NCKAP1: variants seen among roughly 807,000 people sequenced by gnomAD.
The protein encoded by NCKAP1 is NCK associated protein 1.
In NCKAP1, 21 loss-of-function variants were observed where a neutral mutation model predicts 151.2. That is an observed-to-expected ratio of 0.14 (90% CI 0.10 to 0.20). The LOEUF (loss-of-function observed/expected upper bound fraction) is 0.20, where lower values mean the gene tolerates loss of function less well. Ranked by LOEUF, NCKAP1 falls within the 10% of genes least tolerant of loss-of-function variation. NCKAP1 has a pLI of 1.00. For missense variants in NCKAP1, 933 were observed against 1,352.1 expected, an observed-to-expected ratio of 0.69 and a Z score of 4.86; for synonymous variants, 484 against 451.8, an observed-to-expected ratio of 1.07 and a Z score of -0.90.
Position 182,952,416 on chromosome 2 carries a change from C to T in NCKAP1, c.2590G>A (p.Ala864Thr), listed in dbSNP as rs776478750. The change falls in exon 23 of 31, where the codon GCT becomes ACT. Residue 864 changes from alanine to threonine, a missense_variant. Around this residue, in one of 2 missense-constraint regions of NCKAP1, gnomAD observed 326 missense variants for 557.1 expected, o/e 0.59. Coordinates refer to ENST00000361354, the MANE Select transcript of NCKAP1 (RefSeq NM_013436.5). ...SLMWHISSQV[A>T]ELKKLVVENV... is the part of the protein sequence containing the mutation. ...AAAGACTATATTACCTTAAGTTCAG[C>T]AACTTGTGATGAAATATGCCACATA... 25 of 1,603,042 alleles carry T rather than the reference C, an allele frequency of 1.6e-5. No individual in the cohort carries two copies. The South Asian group carries it at 2.8e-4, about 18-fold the overall frequency.
Position 182,957,440 on chromosome 2 carries a change from T to C in NCKAP1, c.2021+17A>G. 1.2e-6 allele frequency: 2 copies of C among 1,606,666 alleles called. No individual in the cohort carries two copies. The highest frequency in any genetic ancestry group is 1.7e-6 in the Non-Finnish European group (2 of 1,178,026). ...TTTTACCTGGAGCAAAAAGGTATAA[T>C]ATAAGTGGATACTTACTTGGTCACA... On this transcript the variant is annotated intron_variant, in intron 19 of 30. Transcript: ENST00000361354.
At chr2:182,984,000 C>T (rs1238473633) in intron 10 of NCKAP1, among the ~76,000 whole-genome samples, 1 of 150,338 alleles carries the variant, frequency 6.7e-6, no homozygotes. Flanking sequence ...CACTGCACTC[C>T]AGCCTGGGTG....
rs1042513522 is a variant in NCKAP1 at position 182,916,336 on chromosome 2, A to T, written c.*9366T>A. The T allele has an allele frequency of 9.2e-5, 14 of 152,130 alleles. No homozygotes were observed. The highest frequency in any genetic ancestry group is 7.2e-4 in the Admixed American group (11 of 15,266). 9.4% of individuals were successfully genotyped at this position (152,130 alleles called of 1,614,324 possible). A position where few individuals can be genotyped will look rare whatever the true frequency, so the allele number is the denominator to read the frequency against. ...AAGCTAAGGGCATCTGTACCAATGG[A>T]GGTCTGTAGCATCTGTCCAGCCACT... On this transcript the variant is annotated 3_prime_UTR_variant, in exon 31 of 31. Transcript: ENST00000361354.
chr2:182,982,081 A>AGACAC (rs1161849236), intron 12 of NCKAP1, among the ~76,000 whole-genome samples: 1 of 152,032 alleles, frequency 6.6e-6, no homozygotes, highest in African/African-American at 2.4e-5. Context: ...AACTAAAATA[A>AGACAC]GACACATTTT....
At chr2:182,997,893 CA>C (rs1218868460) in intron 6 of NCKAP1, among the ~76,000 whole-genome samples, 2 of 152,010 alleles carry the variant, frequency 1.3e-5, no homozygotes, top group African/African-American at 2.4e-5. Flanking sequence ...AACTACAGGC[CA>C]ATATCCCTGA....
intron 15 of NCKAP1, among the ~76,000 whole-genome samples, chr2:182,975,326 T>C (rs1164937022): frequency 6.6e-6 from 1 of 152,116 alleles, no homozygotes. Flanking sequence ...CACTAACTGG[T>C]AAGGTATTTA....
chr2:182,930,629 T>C, intron 27 of NCKAP1, 66 bp downstream of exon 27: 3 of 1,233,994 alleles, frequency 2.4e-6, no homozygotes, highest in Non-Finnish European at 2.4e-6. Context: ...TTAAATATCA[T>C]ACCTATACCT....
In NCKAP1 at chr2:182,925,707, C is replaced by T. The variant is rs1369153096; in HGVS notation, c.3382G>A (p.Ala1128Thr). The T allele has an allele frequency of 2.6e-6, 4 of 1,532,152 alleles. No homozygotes were observed. Among genetic ancestry groups the T allele is most frequent in the African/African-American group, 1.4e-5 (1 of 70,866 alleles). The allele number at this position is 1,532,152 out of a possible 1,614,324, so 94.9% of individuals were successfully genotyped here. A position where few individuals can be genotyped will look rare whatever the true frequency, so the allele number is the denominator to read the frequency against. Reference protein sequence around the residue: ...AVYKQSVTSSA With the variant: ...AVYKQSVTSST ...TCTTGATTAAGTAGGTAATTTTATG[C>T]AGAAGATGTAACACTTTGTTTGTAG... The change falls in exon 31 of 31, where the codon GCA becomes ACA. Residue 1128 changes from alanine to threonine, a missense_variant. Around this residue, in one of 2 missense-constraint regions of NCKAP1, gnomAD observed 326 missense variants for 557.1 expected, o/e 0.59. Coordinates refer to ENST00000361354, the MANE Select transcript of NCKAP1 (RefSeq NM_013436.5).
At chr2:183,000,529 C>T (rs527302542) in intron 6 of NCKAP1, among the ~76,000 whole-genome samples, 13 of 152,240 alleles carry the variant, frequency 8.5e-5, no homozygotes, top group African/African-American at 3.1e-4. Context: ...GGAAAAACCA[C>T]TACTGATATT....
At chr2:183,015,268 G>C (rs79252849) in intron 2 of NCKAP1, among the ~76,000 whole-genome samples, 2,198 of 152,096 alleles carry the variant, frequency 0.014, 54 homozygotes, top group African/African-American at 0.05. Context: ...AACCACCCTT[G>C]AGAATATGAA....
Position 182,989,108 on chromosome 2 carries a change from C to A in NCKAP1, c.869G>T (p.Ser290Ile). The change falls in exon 9 of 31, where the codon AGC becomes ATC. Residue 290 changes from serine (S) to isoleucine (I), a missense_variant. Coordinates refer to ENST00000361354, the MANE Select transcript of NCKAP1 (RefSeq NM_013436.5). ...LNLWKLALQS[S>I]SCLSLFRDEV... Reference sequence around the variant, plus strand: ...ATCCCGAAAGAGAGAGAGGCAAGAGCTACTTTGAAGAGCTAGTTTCCAAAG... The same window carrying A: ...ATCCCGAAAGAGAGAGAGGCAAGAGATACTTTGAAGAGCTAGTTTCCAAAG... 1 of 1,613,688 alleles carries A rather than the reference C, an allele frequency of 6.2e-7. No individual in the cohort carries two copies.
intron 6 of NCKAP1, among the ~76,000 whole-genome samples, chr2:182,999,276 T>C (rs1006846289): frequency 2.0e-5 from 3 of 152,120 alleles, no homozygotes; most frequent in Non-Finnish European, 4.4e-5. Flanking sequence ...CCAGAATCTA[T>C]ACGGAACTTA....
chr2:182,932,094 CAT>C (rs886388035), intron 26 of NCKAP1, among the ~76,000 whole-genome samples: 7 of 152,138 alleles, frequency 4.6e-5, no homozygotes, highest in Non-Finnish European at 7.4e-5. Context: ...ATACAGTTTT[CAT>C]ATGACCCTGC....
In NCKAP1 at chr2:182,952,897, A is replaced by C; in HGVS notation, c.2399T>G (p.Val800Gly). ...NWYLETLLRQVSNGHIAYFPA... is the reference protein window; with the variant it reads ...NWYLETLLRQGSNGHIAYFPA... Reference sequence around the variant, plus strand: ...AAAATATGCTATATGGCCATTGCTGACTTGTCGTAACAAAGTTTCCAAATA... The same window carrying C: ...AAAATATGCTATATGGCCATTGCTGCCTTGTCGTAACAAAGTTTCCAAATA... The change falls in exon 22 of 31, where the codon GTC (valine) becomes GGC (glycine). Residue 800 changes from valine (V) to glycine (G), a missense_variant. Transcript: ENST00000361354. The C allele has an allele frequency of 6.2e-7, 1 of 1,610,734 alleles. No individual in the cohort carries two copies. Among genetic ancestry groups the C allele is most frequent in the Non-Finnish European group, 8.5e-7 (1 of 1,179,080 alleles).
At chr2:183,030,136 C>T (rs945929002) in intron 1 of NCKAP1, among the ~76,000 whole-genome samples, 21 of 152,276 alleles carry the variant, frequency 1.4e-4, no homozygotes, top group African/African-American at 4.8e-4. Context: ...TCAAAACCTC[C>T]GCTGCTTAAA....
intron 8 of NCKAP1, among the ~76,000 whole-genome samples, chr2:182,993,211 T>C (rs913142365): frequency 7.2e-5 from 11 of 152,214 alleles, no homozygotes; most frequent in Non-Finnish European, 7.4e-5. Context: ...TAATACCTAA[T>C]ACAATACCTA....
At chr2:182,982,678 A>C in intron 12 of NCKAP1, 143 bp downstream of exon 12, 1 of 600,340 alleles carries the variant, frequency 1.7e-6, no homozygotes, top group Non-Finnish European at 2.8e-6. Flanking sequence ...CTAAGCTCTA[A>C]TGTTCAGTAA....
At chr2:183,014,329 A>C (rs1425805745) in intron 2 of NCKAP1, among the ~76,000 whole-genome samples, 1 of 152,204 alleles carries the variant, frequency 6.6e-6, no homozygotes, top group Non-Finnish European at 1.5e-5. Context: ...TTAAGCACAG[A>C]CCTGAAAGAC....
intron 1 of NCKAP1, among the ~76,000 whole-genome samples, chr2:183,030,086 C>T (rs1412063401): frequency 1.3e-5 from 2 of 152,124 alleles, no homozygotes; most frequent in Admixed American, 6.5e-5. Context: ...AAATATATGT[C>T]CCCTCCCAAA....
Sources: gnomAD v4.1 joint callset for allele counts (sites outside exome capture counted in the v4.1 genomes callset) on GRCh38, gnomAD v4.1.1 for gene constraint, gnomAD v4.1.1 regional missense constraint, MANE v1.5 for transcripts, NCBI Gene and HGNC (gene_info 2026-07-23, HGNC 2026-07-21) for gene names.